Variants in RYR3 observed in about 807,000 individuals in gnomAD.
RYR3 encodes brain ryanodine receptor-calcium release channel.
A neutral mutation model predicts 584.3 loss-of-function variants in RYR3; 207 were observed. The ratio of observed to expected loss-of-function variants is 0.35; its 90% CI spans 0.32 to 0.40. The LOEUF (loss-of-function observed/expected upper bound fraction) is 0.40. Among genes scored for constraint, RYR3 ranks in the 10% least tolerant of loss-of-function variants. The pLI is 1.00. For missense variants in RYR3, 5,616 were observed against 6,089.2 expected (o/e 0.92, Z 2.59); for synonymous variants, 2,416 against 2,248.5 (o/e 1.07, Z -2.11).
At chr15:33,366,794 C>A (rs1041535039) in intron 1 of RYR3, among the ~76,000 whole-genome samples, 5 of 152,240 alleles carry the variant, frequency 3.3e-5, no homozygotes, top group African/African-American at 1.2e-4. Context: ...CTACTACTTA[C>A]AAGACACTTG....
Position 33,366,882 on chromosome 15 carries a change from A to C in RYR3, c.51+55786A>C, listed in dbSNP as rs140492374. ...GGATGAATTTGAGCCCAACAAAAGGAAGGATTTTCTAACAGCTAAGATGGA... is the reference window on the plus strand; with the variant it reads ...GGATGAATTTGAGCCCAACAAAAGGCAGGATTTTCTAACAGCTAAGATGGA... On this transcript the variant is annotated intron_variant, in intron 1 of 103. Transcript: ENST00000634891. Among the ~76,000 whole-genome samples the C allele has an allele frequency of 2.0e-3, 301 of 152,298 alleles. 1 individual carries two copies. Among genetic ancestry groups the C allele is most frequent in the South Asian group, 4.1e-3 (20 of 4,828 alleles).
intron 2 of RYR3, among the ~76,000 whole-genome samples, chr15:33,496,782 T>G (rs1290621805): frequency 6.6e-6 from 1 of 152,162 alleles, no homozygotes; most frequent in African/African-American, 2.4e-5. Context: ...CTTGCCTGGG[T>G]GTACCTGCCT....
At chr15:33,812,617 C>G (rs967620666) in intron 72 of RYR3, among the ~76,000 whole-genome samples, 1 of 151,862 alleles carries the variant, frequency 6.6e-6, no homozygotes, top group Non-Finnish European at 1.5e-5. Flanking sequence ...AGGAAATCAT[C>G]CAAAATGCAA....
chr15:33,572,563 G>C (rs749813966), intron 12 of RYR3, among the ~76,000 whole-genome samples: 8 of 151,390 alleles, frequency 5.3e-5, no homozygotes, highest in Non-Finnish European at 1.0e-4. Context: ...ATGAGGCGGT[G>C]GGGGGAGGGA....
intron 86 of RYR3, among the ~76,000 whole-genome samples, chr15:33,832,392 C>T (rs116359634): frequency 1.3e-5 from 2 of 152,156 alleles, no homozygotes; most frequent in East Asian, 1.9e-4. Flanking sequence ...CGGTGGCTCA[C>T]GCAAGTAATC....
intron 47 of RYR3, among the ~76,000 whole-genome samples, chr15:33,730,548 G>A (rs1030651651): frequency 6.6e-6 from 1 of 152,162 alleles, no homozygotes; most frequent in African/African-American, 2.4e-5. Flanking sequence ...GGAACAATGA[G>A]ACATGTATAT....
chr15:33,815,805 TAAAAG>T, intron 74 of RYR3: 1 of 398,524 alleles, frequency 2.5e-6, no homozygotes, highest in African/African-American at 2.1e-5. Context: ...TGCTAGTTTT[TAAAAG>T]AAAACTTGTA....
chr15:33,699,596 AT>A, intron 40 of RYR3, 107 bp from the exon 41 acceptor site: 11 of 988,722 alleles, frequency 1.1e-5, no homozygotes, highest in Non-Finnish European at 1.4e-5. Context: ...GAGAAAGTTC[AT>A]TTTTCCAAGT....
At chr15:33,663,814 C>G (rs562186027) in intron 36 of RYR3, 77 bp downstream of exon 36, 274 of 1,279,162 alleles carry the variant, frequency 2.1e-4, no homozygotes, top group Non-Finnish European at 2.8e-4. Flanking sequence ...CATGAAACCT[C>G]TATGGTCTCT....
chr15:33,784,103 A>G (rs1234364157), intron 65 of RYR3, among the ~76,000 whole-genome samples: 1 of 152,210 alleles, frequency 6.6e-6, no homozygotes, highest in Admixed American at 6.5e-5. Context: ...TCCATAGCAT[A>G]GAGACTGCTG....
At chr15:33,769,452 C>T (rs2073387955) in intron 62 of RYR3, among the ~76,000 whole-genome samples, 1 of 152,078 alleles carries the variant, frequency 6.6e-6, no homozygotes, top group East Asian at 1.9e-4. Context: ...TGTGGCAAAC[C>T]CCACTGGTGG....
intron 51 of RYR3, among the ~76,000 whole-genome samples, chr15:33,742,025 C>T (rs541302066): frequency 9.9e-5 from 15 of 152,182 alleles, no homozygotes; most frequent in Non-Finnish European, 1.9e-4. Context: ...AGATTGTAGC[C>T]AGAGGATGAC....
chr15:33,465,255 A>G (rs1437197070), intron 1 of RYR3, among the ~76,000 whole-genome samples: 1 of 152,116 alleles, frequency 6.6e-6, no homozygotes, highest in African/African-American at 2.4e-5. Context: ...AGATATATAT[A>G]TACACATATC....
At chr15:33,737,358 A>G (rs1367321695) in intron 49 of RYR3, among the ~76,000 whole-genome samples, 2 of 152,314 alleles carry the variant, frequency 1.3e-5, no homozygotes, top group East Asian at 3.9e-4. Context: ...CACCAGAATC[A>G]GTCATCCACC....
intron 1 of RYR3, among the ~76,000 whole-genome samples, chr15:33,385,075 A>G (rs2041490076): frequency 6.6e-6 from 1 of 152,220 alleles, no homozygotes. Flanking sequence ...TTCACGTAAA[A>G]TCAAATTTTT....
intron 60 of RYR3, among the ~76,000 whole-genome samples, chr15:33,761,462 C>T (rs2072443258): frequency 6.6e-6 from 1 of 152,180 alleles, no homozygotes; most frequent in Non-Finnish European, 1.5e-5. Context: ...TTAGAGAATA[C>T]TACAAACACA....
intron 23 of RYR3, 148 bp downstream of exon 23, chr15:33,631,441 G>A (rs1303468742): frequency 1.7e-5 from 10 of 583,556 alleles, no homozygotes; most frequent in Non-Finnish European, 1.8e-5. Context: ...TGACACTGAA[G>A]CCCTCAGATA....
At chr15:33,492,651 C>A (rs1425428354) in intron 2 of RYR3, among the ~76,000 whole-genome samples, 1 of 152,188 alleles carries the variant, frequency 6.6e-6, no homozygotes, top group Non-Finnish European at 1.5e-5. Flanking sequence ...GGTCCATGAA[C>A]TGCATGCAGC....
intron 3 of RYR3, among the ~76,000 whole-genome samples, chr15:33,518,849 G>C (rs2053743922): frequency 6.6e-6 from 1 of 152,212 alleles, no homozygotes; most frequent in African/African-American, 2.4e-5. Flanking sequence ...AAACAACTCT[G>C]AGACACACTA....
Sources: gnomAD v4.1 joint callset for allele counts (sites outside exome capture counted in the v4.1 genomes callset) on GRCh38, gnomAD v4.1.1 for gene constraint, MANE v1.5 for transcripts, NCBI Gene and HGNC (gene_info 2026-07-23, HGNC 2026-07-21) for gene names.